FARS2: variants seen among roughly 807,000 people sequenced by gnomAD.
The protein encoded by FARS2 is phenylalanyl-tRNA synthetase 2, mitochondrial, also known as phenylalanine--tRNA ligase, mitochondrial.
FARS2 carries 40 observed loss-of-function variants against 46.4 expected under a neutral mutation model. The ratio of observed to expected loss-of-function variants is 0.86; its 90% CI spans 0.67 to 1.12. FARS2 has a LOEUF of 1.12. Ranked by LOEUF, FARS2 falls within the 50% of genes most tolerant of loss-of-function variation. The pLI, the probability that FARS2 is intolerant of heterozygous loss-of-function variation, is 0.00. For missense variants in FARS2, 513 were observed against 567.9 expected, an observed-to-expected ratio of 0.90 and a Z score of 0.98; for synonymous variants, 234 against 214.9, an observed-to-expected ratio of 1.09 and a Z score of -0.78.
intron 3 of FARS2, among the ~76,000 whole-genome samples, chr6:5,417,378 C>T (rs182025898): frequency 1.4e-4 from 22 of 151,938 alleles, no homozygotes; most frequent in East Asian, 1.4e-3. Context: ...CACCACACCC[C>T]GCTAACTTTT....
rs540939751 is a variant in FARS2 at position 5,610,382 on chromosome 6, T to C, written c.1066-2787T>C. On this transcript the variant is annotated intron_variant, in intron 5 of 6. Coordinates refer to ENST00000274680, the MANE Select transcript of FARS2 (RefSeq NM_006567.5). ...ATCAATGCAGTCAGCTCTCTGTATATAGGGGTTTCACATCTGTGGATTCAG... is the reference window on the plus strand; with the variant it reads ...ATCAATGCAGTCAGCTCTCTGTATACAGGGGTTTCACATCTGTGGATTCAG... Among the ~76,000 whole-genome samples, 13 of 150,902 alleles carry C rather than the reference T, an allele frequency of 8.6e-5. No individual in the cohort carries two copies. The East Asian group carries it at 2.3e-3, about 27-fold the overall frequency.
intron 1 of FARS2, among the ~76,000 whole-genome samples, chr6:5,321,551 G>C (rs1458944251): frequency 2.0e-5 from 3 of 151,930 alleles, no homozygotes; most frequent in African/African-American, 7.3e-5. Context: ...GGACTGTGCA[G>C]GGGTGAAGAG....
At chr6:5,632,336 T>A (rs1286408137) in intron 6 of FARS2, among the ~76,000 whole-genome samples, 1 of 152,164 alleles carries the variant, frequency 6.6e-6, no homozygotes, top group Non-Finnish European at 1.5e-5. Flanking sequence ...TTGCTGACAC[T>A]CTAGAAGGGC....
chr6:5,328,400 G>GT (rs995050346), intron 1 of FARS2, among the ~76,000 whole-genome samples: 4 of 152,160 alleles, frequency 2.6e-5, no homozygotes, highest in Non-Finnish European at 4.4e-5. Flanking sequence ...GGTTTTGTTT[G>GT]TTTTTTTGTT....
chr6:5,738,055 A>G (rs113106431), intron 6 of FARS2, among the ~76,000 whole-genome samples: 286 of 152,292 alleles, frequency 1.9e-3, no homozygotes, highest in African/African-American at 6.7e-3. Context: ...GGCTCACGCA[A>G]TCCTCCCACT....
intron 4 of FARS2, among the ~76,000 whole-genome samples, chr6:5,473,452 G>C (rs148747292): frequency 6.6e-6 from 1 of 151,516 alleles, no homozygotes; most frequent in Non-Finnish European, 1.5e-5. Context: ...GTGTGAACCC[G>C]GGAGATGGAG....
chr6:5,418,331 G>A (rs928592513), intron 3 of FARS2, among the ~76,000 whole-genome samples: 12 of 152,074 alleles, frequency 7.9e-5, no homozygotes, highest in Admixed American at 6.6e-4. Context: ...TAATATCCGC[G>A]AGCTTTATTC....
chr6:5,304,023 A>C (rs17140155), intron 1 of FARS2, among the ~76,000 whole-genome samples: 1,870 of 152,240 alleles, frequency 0.012, 47 homozygotes, highest in African/African-American at 0.042. Context: ...GTAACATAGC[A>C]GGCTGCATGG....
chr6:5,384,299 C>T (rs975154548), intron 2 of FARS2, among the ~76,000 whole-genome samples: 11 of 152,052 alleles, frequency 7.2e-5, no homozygotes, highest in African/African-American at 2.7e-4. Context: ...ATAGTCATTG[C>T]GATATGTCAG....
intron 5 of FARS2, among the ~76,000 whole-genome samples, chr6:5,568,918 T>G (rs1049996259): frequency 1.3e-5 from 2 of 152,074 alleles, no homozygotes; most frequent in African/African-American, 4.8e-5. Flanking sequence ...TCAGGAAATT[T>G]TAGGAGAAAA....
chr6:5,692,869 G>T (rs1757846748), intron 6 of FARS2, among the ~76,000 whole-genome samples: 1 of 152,158 alleles, frequency 6.6e-6, no homozygotes, highest in Non-Finnish European at 1.5e-5. Flanking sequence ...CTGTCACCAA[G>T]CCCACCAAGT....
intron 4 of FARS2, among the ~76,000 whole-genome samples, chr6:5,513,120 G>A (rs541203498): frequency 1.7e-4 from 26 of 152,288 alleles, no homozygotes; most frequent in East Asian, 3.9e-4. Context: ...ATGAGGTGGC[G>A]GTGGTTGGGA....
At chr6:5,646,985 C>T (rs2150751074) in intron 6 of FARS2, among the ~76,000 whole-genome samples, 1 of 152,210 alleles carries the variant, frequency 6.6e-6, no homozygotes, top group African/African-American at 2.4e-5. Context: ...GAGATGAACC[C>T]CCTCCATGTC....
intron 6 of FARS2, among the ~76,000 whole-genome samples, chr6:5,617,068 T>A (rs1775513482): frequency 6.6e-6 from 1 of 151,982 alleles, no homozygotes; most frequent in South Asian, 2.1e-4. Context: ...AGTAGGGTAG[T>A]GTTGGGGTCC....
At chr6:5,671,996 A>G (rs1778492347) in intron 6 of FARS2, among the ~76,000 whole-genome samples, 1 of 152,236 alleles carries the variant, frequency 6.6e-6, no homozygotes, top group South Asian at 2.1e-4. Flanking sequence ...CCACAAAAAT[A>G]CCATGTCTCC....
chr6:5,534,000 A>G (rs143304715), intron 4 of FARS2, among the ~76,000 whole-genome samples: 2,446 of 152,326 alleles, frequency 0.016, 25 homozygotes, highest in Non-Finnish European at 0.024. Context: ...AACTATTTCT[A>G]AACTGAGCCA....
intron 1 of FARS2, among the ~76,000 whole-genome samples, chr6:5,308,187 G>A (rs1768852545): frequency 6.6e-6 from 1 of 152,084 alleles, no homozygotes; most frequent in Non-Finnish European, 1.5e-5. Flanking sequence ...GGAGTGATGT[G>A]TCCCGGGAAG....
chr6:5,720,137 A>G (rs758826495), intron 6 of FARS2, among the ~76,000 whole-genome samples: 2 of 152,238 alleles, frequency 1.3e-5, no homozygotes, highest in Non-Finnish European at 1.5e-5. Context: ...TGCAATACCA[A>G]TAGTTAAAAG....
chr6:5,310,426 G>T (rs1304750631), intron 1 of FARS2, among the ~76,000 whole-genome samples: 1 of 150,902 alleles, frequency 6.6e-6, no homozygotes. Flanking sequence ...AACCTACAAA[G>T]GCAGTCAAAA....
Sources: gnomAD v4.1 joint callset for allele counts (sites outside exome capture counted in the v4.1 genomes callset) on GRCh38, gnomAD v4.1.1 for gene constraint, MANE v1.5 for transcripts, NCBI Gene and HGNC (gene_info 2026-07-23, HGNC 2026-07-21) for gene names.